Variants in DNAJB6 observed in about 807,000 individuals in gnomAD.
DNAJB6 encodes dnaJ homolog subfamily B member 6.
Under a neutral mutation model 42.7 loss-of-function variants are expected in DNAJB6, and 16 were observed. The ratio of observed to expected loss-of-function variants is 0.37; its 90% CI spans 0.25 to 0.57. The LOEUF is 0.57. DNAJB6 is among the 20% of genes least tolerant of loss of function. DNAJB6 has a pLI of 0.74. For missense variants in DNAJB6, 347 were observed against 416.8 expected (o/e 0.83, Z 1.46); for synonymous variants, 170 against 163.5 (o/e 1.04, Z -0.30).
intron 2 of DNAJB6, among the ~76,000 whole-genome samples, chr7:157,359,250 T>G (rs1399050283): frequency 6.6e-6 from 1 of 152,180 alleles, no homozygotes; most frequent in African/African-American, 2.4e-5. Flanking sequence ...TAGAGAGCAG[T>G]TAGCCTGGAA....
intron 1 of DNAJB6, among the ~76,000 whole-genome samples, chr7:157,352,340 A>ATG (rs1347226809): frequency 6.6e-6 from 1 of 151,600 alleles, no homozygotes; most frequent in Non-Finnish European, 1.5e-5. Flanking sequence ...ATACATATAT[A>ATG]TGTATATATA....
intron 5 of DNAJB6, among the ~76,000 whole-genome samples, chr7:157,371,726 T>C (rs1361227223): frequency 6.6e-6 from 1 of 152,226 alleles, no homozygotes. Flanking sequence ...TTATTTGAAT[T>C]AGGATGCTCT....
intron 1 of DNAJB6, among the ~76,000 whole-genome samples, 198 bp from the exon 2 acceptor site, chr7:157,358,349 A>T (rs1477784450): frequency 1.3e-5 from 2 of 152,140 alleles, no homozygotes; most frequent in Non-Finnish European, 2.9e-5. Context: ...GAAGGGTCTT[A>T]GGGCATGAAT....
In DNAJB6 at chr7:157,369,172, C is replaced by T. The variant is rs1380966580; in HGVS notation, c.346+1689C>T. 6 of 419,412 alleles carry T rather than the reference C, an allele frequency of 1.4e-5. No homozygotes were observed. The East Asian group carries it at 4.3e-4, about 30-fold the overall frequency. The allele number at this position is 419,412 out of a possible 1,614,324, so 26.0% of individuals were successfully genotyped here. A position where few individuals can be genotyped will look rare whatever the true frequency, so the allele number is the denominator to read the frequency against. On this transcript the variant is annotated intron_variant, in intron 5 of 9. Transcript: ENST00000262177. Reference sequence around the variant, plus strand: ...CGTGCTCATCGTTTAAGTGCATTTGCTGTAATCACTGCTGCCATCAGCAGA... The same window carrying T: ...CGTGCTCATCGTTTAAGTGCATTTGTTGTAATCACTGCTGCCATCAGCAGA...
chr7:157,366,595 GGTCTTGGCAA>G (rs745378225), intron 4 of DNAJB6, 34 bp downstream of exon 4: 3 of 1,592,404 alleles, frequency 1.9e-6, no homozygotes, highest in Non-Finnish European at 2.6e-6. Context: ...GAAGACAAAA[GGTCTTGGCAA>G]GTAAGTTGAG....
At chr7:157,344,005 C>T in intron 1 of DNAJB6, among the ~76,000 whole-genome samples, 1 of 151,904 alleles carries the variant, frequency 6.6e-6, no homozygotes. Context: ...GACAGTAGGA[C>T]CTAGTTAATA....
At chr7:157,404,672 G>A (rs779416511) in intron 8 of DNAJB6, among the ~76,000 whole-genome samples, 33 of 151,820 alleles carry the variant, frequency 2.2e-4, no homozygotes, top group East Asian at 1.6e-3. Flanking sequence ...CACCACACCC[G>A]ACTAATTTTT....
At chr7:157,377,452 A>G (rs568848193) in intron 5 of DNAJB6, among the ~76,000 whole-genome samples, 1 of 152,224 alleles carries the variant, frequency 6.6e-6, no homozygotes, top group African/African-American at 2.4e-5. Flanking sequence ...ATGAGCATAC[A>G]TGTTTTGCTT....
At chr7:157,352,344 A>G (rs10237541) in intron 1 of DNAJB6, among the ~76,000 whole-genome samples, 8,181 of 151,718 alleles carry the variant, frequency 0.054, 262 homozygotes, top group African/African-American at 0.093. Context: ...ATATATATGT[A>G]TATATATATA....
intron 8 of DNAJB6, among the ~76,000 whole-genome samples, chr7:157,397,296 A>G (rs111941918): frequency 2.0e-4 from 30 of 152,286 alleles, no homozygotes; most frequent in African/African-American, 7.0e-4. Context: ...TCTGTTGTGC[A>G]CCAGCACCTA....
chr7:157,346,207 G>A (rs1301142037), intron 1 of DNAJB6, among the ~76,000 whole-genome samples: 1 of 149,790 alleles, frequency 6.7e-6, no homozygotes, highest in African/African-American at 2.4e-5. Context: ...ATGTTTTATT[G>A]CCACAAATGG....
chr7:157,344,406 G>A (rs1220894543), intron 1 of DNAJB6, among the ~76,000 whole-genome samples: 1 of 151,606 alleles, frequency 6.6e-6, no homozygotes, highest in East Asian at 1.9e-4. Flanking sequence ...CCAGGTACTC[G>A]GGAGGCTGAT....
chr7:157,410,327 G>A (rs879417312), intron 9 of DNAJB6: 2 of 500,826 alleles, frequency 4.0e-6, no homozygotes, highest in Non-Finnish European at 6.6e-6. Context: ...AGCTTTCAGC[G>A]TAGAGCTTGA....
intron 5 of DNAJB6, among the ~76,000 whole-genome samples, chr7:157,376,392 A>G (rs1039830337): frequency 2.6e-5 from 4 of 152,292 alleles, no homozygotes; most frequent in East Asian, 1.9e-4. Context: ...TGATATTGCA[A>G]AATTTTAAAG....
chr7:157,362,754 A>G (rs1799666362), intron 2 of DNAJB6, among the ~76,000 whole-genome samples: 1 of 152,128 alleles, frequency 6.6e-6, no homozygotes, highest in Admixed American at 6.5e-5. Context: ...CTATCTCTAG[A>G]GGTTCGTTTG....
chr7:157,363,011 T>G, intron 2 of DNAJB6, 150 bp from the exon 3 acceptor site: 1 of 525,570 alleles, frequency 1.9e-6, no homozygotes, highest in South Asian at 2.0e-5. Flanking sequence ...TATTTCATTG[T>G]AGAGGAAAGG....
intron 8 of DNAJB6, among the ~76,000 whole-genome samples, chr7:157,390,957 C>T (rs143753330): frequency 2.0e-5 from 3 of 152,172 alleles, no homozygotes; most frequent in Admixed American, 1.3e-4. Context: ...CACCTCAGCC[C>T]CTAAGCAGTT....
At chr7:157,391,419 G>A (rs375408039) in intron 8 of DNAJB6, among the ~76,000 whole-genome samples, 50 of 152,316 alleles carry the variant, frequency 3.3e-4, no homozygotes, top group Admixed American at 9.2e-4. Context: ...CTTTTCAGCC[G>A]TATCTTTCCG....
At chr7:157,373,627 A>G (rs1221203619) in intron 5 of DNAJB6, among the ~76,000 whole-genome samples, 4 of 152,206 alleles carry the variant, frequency 2.6e-5, no homozygotes, top group Admixed American at 2.0e-4. Context: ...CTGGGATTAC[A>G]TGCGTGAGCC....
Sources: gnomAD v4.1 joint callset for allele counts (sites outside exome capture counted in the v4.1 genomes callset) on GRCh38, gnomAD v4.1.1 for gene constraint, MANE v1.5 for transcripts, NCBI Gene and HGNC (gene_info 2026-07-23, HGNC 2026-07-21) for gene names.